ONECUT3: variants seen among roughly 807,000 people sequenced by gnomAD.
ONECUT3 encodes the protein one cut homeobox 3.
A neutral mutation model predicts 16.8 loss-of-function variants in ONECUT3; 11 were observed. The observed-to-expected ratio is 0.66, with a 90% confidence interval of 0.41 to 1.09. The LOEUF is 1.09. Among genes scored for constraint, ONECUT3 ranks in the 50% least tolerant of loss-of-function variants. The pLI, the probability that ONECUT3 is intolerant of heterozygous loss-of-function variation, is 0.00. For synonymous variants in ONECUT3, 344 were observed against 310.7 expected, an observed-to-expected ratio of 1.11 and a Z score of -1.13; for missense variants, 637 against 629.9, an observed-to-expected ratio of 1.01 and a Z score of -0.12.
At chr19:1,761,900 AC>A (rs1444628544) in intron 1 of ONECUT3, among the ~76,000 whole-genome samples, 1 of 152,190 alleles carries the variant, frequency 6.6e-6, no homozygotes, top group African/African-American at 2.4e-5. Flanking sequence ...CCTCCGAGCT[AC>A]CAAGTCATGA....
rs2067914333 is a variant in ONECUT3 at position 1,755,997 on chromosome 19, T to TGATC, written c.1192+1149_1192+1152dup. Among the ~76,000 whole-genome samples, 1 of 152,160 alleles carries TGATC rather than the reference T, an allele frequency of 6.6e-6. No individual in the cohort carries two copies. Among genetic ancestry groups the TGATC allele is most frequent in the Non-Finnish European group, 1.5e-5 (1 of 68,006 alleles). On this transcript the variant is annotated intron_variant, in intron 1 of 1. Transcript: ENST00000382349. The surrounding 1 kb of genome is among the most constrained non-coding windows in gnomAD (Gnocchi z 7.5). ...GACAATAGCCGCGGCGGCTGGCGCC[T>TGATC]GATCGATCGCTTCTCCGAGCACAAG...
chr19:1,764,068 A>G lies in ONECUT3; in HGVS notation c.1192+9214A>G, dbSNP rs2067963868. On this transcript the variant is annotated intron_variant, in intron 1 of 1. Coordinates refer to ENST00000382349, the MANE Select transcript of ONECUT3 (RefSeq NM_001080488.2). This position sits in a 1 kb window ranked among gnomAD's most constrained non-coding sequence, Gnocchi z 5.0. ...TGGGTGGCCGCTTCAGCCGCTTCTT[A>G]TCACTGATTCCTTTCCTGTCATCTT... Among the ~76,000 whole-genome samples, 1 of 152,174 alleles carries G rather than the reference A, an allele frequency of 6.6e-6. No homozygotes were observed. The highest frequency in any genetic ancestry group is 2.1e-4 in the South Asian group (1 of 4,824).
chr19:1,762,788 GTTC>G lies in ONECUT3; in HGVS notation c.1192+7941_1192+7943del, dbSNP rs1459911852. On this transcript the variant is annotated intron_variant, in intron 1 of 1. Coordinates refer to ENST00000382349, the MANE Select transcript of ONECUT3 (RefSeq NM_001080488.2). This position sits in a 1 kb window ranked among gnomAD's most constrained non-coding sequence, Gnocchi z 4.4. ...AAACCGCGCCGCACCAGGCGCGAGT[GTTC>G]TTCTTCCTTGTCTGGCGCCCCAGAA... is the stretch of plus-strand genomic sequence containing the variant. Among the ~76,000 whole-genome samples, 3 of 152,032 alleles carry G rather than the reference GTTC, an allele frequency of 2.0e-5. No individual in the cohort carries two copies. The highest frequency in any genetic ancestry group is 2.1e-4 in the South Asian group (1 of 4,820).
chr19:1,775,109 G>A (rs1420780570), intron 1 of ONECUT3, 44 bp from the exon 2 acceptor site: 8 of 1,319,662 alleles, frequency 6.1e-6, no homozygotes, highest in Non-Finnish European at 8.1e-6. Context: ...GCCACACGGT[G>A]GCGCTGTGTC....
rs1285686090 is a variant in ONECUT3, at chr19:1,778,368, T to G, written c.*2923T>G. ...GTCCTCCTGCCTCGGCCTCCAAAAG[T>G]GCTAGGATTACAGGTAGATAGACAT... On this transcript the variant is annotated 3_prime_UTR_variant, in exon 2 of 2. Coordinates refer to ENST00000382349, the MANE Select transcript of ONECUT3 (RefSeq NM_001080488.2). 6.6e-6 allele frequency: 1 copy of G among 152,024 alleles called. No individual in the cohort carries two copies. Among genetic ancestry groups the G allele is most frequent in the Non-Finnish European group, 1.5e-5 (1 of 68,028 alleles). 9.4% of individuals were successfully genotyped at this position (152,024 alleles called of 1,614,324 possible).
rs1450284197 is a variant in ONECUT3, at chr19:1,759,754, T to C, written c.1192+4900T>C. ...TTTCTTATCTGAGAAATGGGCAGAA[T>C]GAAATGACGCCTAGGAGAGGGGGTA... is the stretch of plus-strand genomic sequence containing the variant. On this transcript the variant is annotated intron_variant, in intron 1 of 1. Coordinates refer to ENST00000382349, the MANE Select transcript of ONECUT3 (RefSeq NM_001080488.2). The surrounding 1 kb of genome is among the most constrained non-coding windows in gnomAD (Gnocchi z 4.1). Among the ~76,000 whole-genome samples, 1 of 151,508 alleles carries C rather than the reference T, an allele frequency of 6.6e-6. No individual in the cohort carries two copies. Among genetic ancestry groups the C allele is most frequent in the Admixed American group, 6.6e-5 (1 of 15,238 alleles).
rs1392211487 is a variant in ONECUT3, at chr19:1,758,879, G to T, written c.1192+4025G>T. 2.6e-5 allele frequency among the ~76,000 whole-genome samples: 4 copies of T among 152,166 alleles called. No individual in the cohort carries two copies. The highest frequency in any genetic ancestry group is 6.5e-5 in the Admixed American group (1 of 15,278). ...ATAGCTTCGGCCGTCTTCAAATATT[G>T]TTTAAATTGCAACTCCGGAGGAAAA... On this transcript the variant is annotated intron_variant, in intron 1 of 1. Transcript: ENST00000382349. This position sits in a 1 kb window ranked among gnomAD's most constrained non-coding sequence, Gnocchi z 5.9.
At position 1,777,180 on chromosome 19, in the gene ONECUT3, G is replaced by A. The variant is rs1297686817; in HGVS notation, c.*1735G>A. 1.3e-5 allele frequency: 2 copies of A among 152,304 alleles called. No individual in the cohort carries two copies. The highest frequency in any genetic ancestry group is 6.5e-5 in the Admixed American group (1 of 15,286). The allele number at this position is 152,304 out of a possible 1,614,324, so 9.4% of individuals were successfully genotyped here. The stretch of plus-strand genomic sequence containing the variant: ...TCTGCTCCCAGCTTTCCAAGCGACC[G>A]GATCTGAGTGATGCTTCTAGAACAT... On this transcript the variant is annotated 3_prime_UTR_variant, in exon 2 of 2. Coordinates refer to ENST00000382349, the MANE Select transcript of ONECUT3 (RefSeq NM_001080488.2).
At position 1,777,031 on chromosome 19, in the gene ONECUT3, A is replaced by AGAGG. The variant is rs1031915904; in HGVS notation, c.*1589_*1590insGGAG. The stretch of plus-strand genomic sequence containing the variant: ...CCGAACCTGAGAGCGAAAGAGAGAG[A>AGAGG]GAGAGAGAGGGAGAGAGAGGGAGAG... On this transcript the variant is annotated 3_prime_UTR_variant, in exon 2 of 2. Coordinates refer to ENST00000382349, the MANE Select transcript of ONECUT3 (RefSeq NM_001080488.2). 1.9e-4 allele frequency: 29 copies of AGAGG among 150,418 alleles called. No homozygotes were observed. The highest frequency in any genetic ancestry group is 6.9e-4 in the African/African-American group (28 of 40,504). 9.3% of individuals were successfully genotyped at this position (150,418 alleles called of 1,614,324 possible).
chr19:1,768,804 G>A (rs1641062094), intron 1 of ONECUT3, among the ~76,000 whole-genome samples: 1 of 151,776 alleles, frequency 6.6e-6, no homozygotes, highest in Admixed American at 6.6e-5. Flanking sequence ...GAGGTGTGGG[G>A]AGGTGGAAGG....
At chr19:1,773,295 T>C (rs910020775) in intron 1 of ONECUT3, among the ~76,000 whole-genome samples, 2 of 151,182 alleles carry the variant, frequency 1.3e-5, no homozygotes, top group African/African-American at 4.9e-5. Context: ...CCTCTCTTTT[T>C]CATGTTAGAC....
At chr19:1,773,573 C>G (rs2068076959) in intron 1 of ONECUT3, among the ~76,000 whole-genome samples, 1 of 152,178 alleles carries the variant, frequency 6.6e-6, no homozygotes, top group Non-Finnish European at 1.5e-5. Context: ...CTGTGCCATT[C>G]CAGTAGGCCA....
rs1444589881 is a variant in ONECUT3, at chr19:1,779,343, C to T, written c.*3898C>T. On this transcript the variant is annotated 3_prime_UTR_variant, in exon 2 of 2. Transcript: ENST00000382349. ...GCGAGAGAGACTGCGGCAGAAAGGA[C>T]CAGTGGCGTTTACAGATTTCTTATT... The T allele has an allele frequency of 6.6e-6, 1 of 151,582 alleles. No homozygotes were observed. Among genetic ancestry groups the T allele is most frequent in the Non-Finnish European group, 1.5e-5 (1 of 67,970 alleles). 9.4% of individuals were successfully genotyped at this position (151,582 alleles called of 1,614,324 possible).
chr19:1,779,183 T>C lies in ONECUT3; in HGVS notation c.*3738T>C, dbSNP rs2068136274. On this transcript the variant is annotated 3_prime_UTR_variant, in exon 2 of 2. Transcript: ENST00000382349. The stretch of plus-strand genomic sequence containing the variant: ...AAAAATCCTTAGCTAGTTTTTGGAA[T>C]ACGTGACTTGAAGCTTTATACCGTT... 3 of 152,234 alleles carry C rather than the reference T, an allele frequency of 2.0e-5. No individual in the cohort carries two copies. The highest frequency in any genetic ancestry group is 1.3e-4 in the Admixed American group (2 of 15,276). 9.4% of individuals were successfully genotyped at this position (152,234 alleles called of 1,614,324 possible).
rs2067952487 is a variant in ONECUT3 at position 1,762,660 on chromosome 19, C to A, written c.1192+7806C>A. Among the ~76,000 whole-genome samples the A allele has an allele frequency of 1.3e-5, 2 of 152,252 alleles. No individual in the cohort carries two copies. Among genetic ancestry groups the A allele is most frequent in the Non-Finnish European group, 1.5e-5 (1 of 68,038 alleles). On this transcript the variant is annotated intron_variant, in intron 1 of 1. Transcript: ENST00000382349. This position sits in a 1 kb window ranked among gnomAD's most constrained non-coding sequence, Gnocchi z 4.4. Reference sequence around the variant, plus strand: ...AGGAGACCCGGGACCCGGGACCACGCGCCCGCGGCCTTGGAGCCTCAGGGT... The same window carrying A: ...AGGAGACCCGGGACCCGGGACCACGAGCCCGCGGCCTTGGAGCCTCAGGGT...
Position 1,759,336 on chromosome 19 carries a change from C to G in ONECUT3, c.1192+4482C>G, listed in dbSNP as rs2067934034. 6.6e-6 allele frequency among the ~76,000 whole-genome samples: 1 copy of G among 152,042 alleles called. No homozygotes were observed. The highest frequency in any genetic ancestry group is 6.6e-5 in the Admixed American group (1 of 15,258). On this transcript the variant is annotated intron_variant, in intron 1 of 1. Transcript: ENST00000382349. This position sits in a 1 kb window ranked among gnomAD's most constrained non-coding sequence, Gnocchi z 4.1. Reference sequence around the variant, plus strand: ...AGGCCCTCCCTCCCCGGCTTCTCCCCCCTACCCGCTGCCACCATCAAGGGC... The same window carrying G: ...AGGCCCTCCCTCCCCGGCTTCTCCCGCCTACCCGCTGCCACCATCAAGGGC...
chr19:1,770,751 G>C (rs4807956), intron 1 of ONECUT3, among the ~76,000 whole-genome samples: 74,093 of 152,004 alleles, frequency 0.49, 18,295 homozygotes, highest in East Asian at 0.61. Flanking sequence ...GAGTGCCAAA[G>C]AGGTGAGAGG....
In ONECUT3 at chr19:1,766,996, C is replaced by CG. The variant is rs1354438981; in HGVS notation, c.1193-8151dup. ...AGAGGAGGGGCCCCGGGCTCCGCTG[C>CG]GGGGGGAGGGAGGGACTTCCTGGGG... On this transcript the variant is annotated intron_variant, in intron 1 of 1. Transcript: ENST00000382349. This position sits in a 1 kb window ranked among gnomAD's most constrained non-coding sequence, Gnocchi z 4.0. Among the ~76,000 whole-genome samples, 4 of 150,614 alleles carry CG rather than the reference C, an allele frequency of 2.7e-5. No individual in the cohort carries two copies. The highest frequency in any genetic ancestry group is 4.4e-5 in the Non-Finnish European group (3 of 67,522).
chr19:1,765,631 C>T (rs1045384388), intron 1 of ONECUT3, among the ~76,000 whole-genome samples: 1 of 152,236 alleles, frequency 6.6e-6, no homozygotes, highest in African/African-American at 2.4e-5. Flanking sequence ...ATGGATGAGT[C>T]GGTTGCAGGT....
Sources: allele counts gnomAD v4.1 joint callset (sites outside exome capture counted in the v4.1 genomes callset), GRCh38; gene constraint gnomAD v4.1.1; non-coding constraint Gnocchi (gnomAD v3.1); transcripts MANE v1.5; gene names NCBI Gene and HGNC (gene_info 2026-07-23, HGNC 2026-07-21).